RFTN1: variants seen among roughly 807,000 people sequenced by gnomAD.
The protein encoded by RFTN1 is raftlin, lipid raft linker 1.
In RFTN1, 26 loss-of-function variants were observed where a neutral mutation model predicts 46.5. The ratio of observed to expected loss-of-function variants is 0.56; its 90% CI spans 0.41 to 0.78. The LOEUF is 0.78. Ranked by LOEUF, RFTN1 falls within the 30% of genes least tolerant of loss-of-function variation. RFTN1 has a pLI of 0.00. For synonymous variants in RFTN1, 261 were observed against 284.2 expected (o/e 0.92, Z 0.82); for missense variants, 693 against 718.7 (o/e 0.96, Z 0.41).
At chr3:16,510,634 C>T (rs1350549701) in intron 1 of RFTN1, among the ~76,000 whole-genome samples, 3 of 152,218 alleles carry the variant, frequency 2.0e-5, no homozygotes, top group Non-Finnish European at 2.9e-5. Flanking sequence ...AAAGACAGGG[C>T]TGTAGTATCT....
chr3:16,323,592 T>A (rs532254626), intron 8 of RFTN1, 135 bp from the exon 9 acceptor site: 4 of 603,212 alleles, frequency 6.6e-6, no homozygotes, highest in Non-Finnish European at 1.1e-5. Context: ...AGACGCCTGC[T>A]CTACTCTTCC....
In RFTN1 at chr3:16,506,431, CT is replaced by C. The variant is rs2125011990; in HGVS notation, c.-9+7010del. ...GAGCTGAAAGAAGACATCAATTACT[CT>C]GGCCATGACTGACCATGACAGCAGG... On this transcript the variant is annotated intron_variant, in intron 1 of 9. Coordinates refer to ENST00000334133, the MANE Select transcript of RFTN1 (RefSeq NM_015150.2). This position sits in a 1 kb window ranked among gnomAD's most constrained non-coding sequence, Gnocchi z 4.8. Among the ~76,000 whole-genome samples, 1 of 152,280 alleles carries C rather than the reference CT, an allele frequency of 6.6e-6. No individual in the cohort carries two copies. Among genetic ancestry groups the C allele is most frequent in the South Asian group, 2.1e-4 (1 of 4,826 alleles).
intron 2 of RFTN1, chr3:16,482,675 A>G (rs2076386889): frequency 8.4e-7 from 1 of 1,188,600 alleles, no homozygotes; most frequent in Admixed American, 2.0e-5. Flanking sequence ...GGATTAATTG[A>G]CACTGAGCAC....
At chr3:16,333,726 G>GA (rs930636954) in intron 7 of RFTN1, among the ~76,000 whole-genome samples, 8 of 150,812 alleles carry the variant, frequency 5.3e-5, no homozygotes, top group Non-Finnish European at 7.4e-5. Context: ...TCATATTACA[G>GA]AAAAAAAAGG....
rs74655217 is a variant in RFTN1 at position 16,421,113 on chromosome 3, C to T, written c.333-11630G>A. Among the ~76,000 whole-genome samples, 27 of 152,172 alleles carry T rather than the reference C, an allele frequency of 1.8e-4. 1 individual carries two copies. In the East Asian group the frequency reaches 5.0e-3, roughly 28 times the overall value. On this transcript the variant is annotated intron_variant, in intron 3 of 9. Transcript: ENST00000334133. This position sits in a 1 kb window ranked among gnomAD's most constrained non-coding sequence, Gnocchi z 4.6. ...CTAACATCTTACATATGTTATAAAA[C>T]AAAACATACAAAACAGAAAATCGTA...
In RFTN1 at chr3:16,395,495, G is replaced by C. The variant is rs140967191; in HGVS notation, c.441+13880C>G. 3.9e-3 allele frequency among the ~76,000 whole-genome samples: 588 copies of C among 152,134 alleles called. 10 individuals carry two copies. The highest frequency in any genetic ancestry group is 0.014 in the African/African-American group (564 of 41,498). On this transcript the variant is annotated intron_variant, in intron 4 of 9. Coordinates refer to ENST00000334133, the MANE Select transcript of RFTN1 (RefSeq NM_015150.2). ...GGGTATCACTCTGTTGCCCAGGCTG[G>C]AGTGCAGTGGTGTGATCATAGCTCA...
At chr3:16,495,098 A>C (rs2076603375) in intron 1 of RFTN1, among the ~76,000 whole-genome samples, 1 of 152,208 alleles carries the variant, frequency 6.6e-6, no homozygotes, top group Admixed American at 6.5e-5. Flanking sequence ...GTCTGAAAGA[A>C]TGGATGAGAA....
intron 2 of RFTN1, among the ~76,000 whole-genome samples, chr3:16,462,048 C>G (rs2076015986): frequency 1.3e-5 from 2 of 152,192 alleles, no homozygotes; most frequent in Non-Finnish European, 2.9e-5. Context: ...AGAAATTCAG[C>G]CTGCTCACTC....
rs537164854 is a variant in RFTN1 at position 16,404,855 on chromosome 3, T to C, written c.441+4520A>G. ...CTCCTATGGAGGGTCTAATCCAGGCTCCATCATTTAGCAGTTCCAGCCCCT... is the reference window on the plus strand; with the variant it reads ...CTCCTATGGAGGGTCTAATCCAGGCCCCATCATTTAGCAGTTCCAGCCCCT... On this transcript the variant is annotated intron_variant, in intron 4 of 9. Coordinates refer to ENST00000334133, the MANE Select transcript of RFTN1 (RefSeq NM_015150.2). Among the ~76,000 whole-genome samples the C allele has an allele frequency of 6.6e-5, 10 of 152,182 alleles. No homozygotes were observed. In the South Asian group the frequency reaches 2.1e-3, roughly 32 times the overall value.
chr3:16,359,351 A>C (rs960839178), intron 6 of RFTN1, among the ~76,000 whole-genome samples: 4 of 152,132 alleles, frequency 2.6e-5, no homozygotes, highest in Non-Finnish European at 4.4e-5. Flanking sequence ...TTCCTCCCAA[A>C]ATTCGTATGT....
chr3:16,452,240 T>C lies in RFTN1; in HGVS notation c.146-18203A>G, dbSNP rs2075832358. Among the ~76,000 whole-genome samples, 2 of 152,054 alleles carry C rather than the reference T, an allele frequency of 1.3e-5. No homozygotes were observed. The highest frequency in any genetic ancestry group is 4.8e-5 in the African/African-American group (2 of 41,404). ...CTGTACAAACAGTGAATGAGAGTTA[T>C]TCATAAGAAGCCAAAGATTCTAAAG... On this transcript the variant is annotated intron_variant, in intron 2 of 9. Coordinates refer to ENST00000334133, the MANE Select transcript of RFTN1 (RefSeq NM_015150.2). This position sits in a 1 kb window ranked among gnomAD's most constrained non-coding sequence, Gnocchi z 6.3.
rs139203072 is a variant in RFTN1, at chr3:16,509,427, A to G, written c.-9+4015T>C. On this transcript the variant is annotated intron_variant, in intron 1 of 9. Transcript: ENST00000334133. The surrounding 1 kb of genome is among the most constrained non-coding windows in gnomAD (Gnocchi z 4.9). ...GGGAAAGTTAACCTTGCAAGCTTCA[A>G]TTTCCTCAGGGCTGAAGTGAAGATA... 6.6e-6 allele frequency among the ~76,000 whole-genome samples: 1 copy of G among 152,286 alleles called. No individual in the cohort carries two copies. Among genetic ancestry groups the G allele is most frequent in the African/African-American group, 2.4e-5 (1 of 41,552 alleles).
At chr3:16,404,267 A>T (rs1401694842) in intron 4 of RFTN1, among the ~76,000 whole-genome samples, 2 of 12,760 alleles carry the variant, frequency 1.6e-4, no homozygotes, top group African/African-American at 7.7e-4. Flanking sequence ...ATAATATATA[A>T]TATATATAAT....
At chr3:16,486,332 C>A (rs1483946152) in intron 2 of RFTN1, among the ~76,000 whole-genome samples, 3 of 152,122 alleles carry the variant, frequency 2.0e-5, no homozygotes, top group African/African-American at 7.2e-5. Flanking sequence ...ATGTCACCTG[C>A]ACCCCCTCCA....
rs966153305 is a variant in RFTN1, at chr3:16,407,825, T to C, written c.441+1550A>G. 1.3e-5 allele frequency among the ~76,000 whole-genome samples: 2 copies of C among 152,106 alleles called. No individual in the cohort carries two copies. Among genetic ancestry groups the C allele is most frequent in the Non-Finnish European group, 2.9e-5 (2 of 68,032 alleles). On this transcript the variant is annotated intron_variant, in intron 4 of 9. Transcript: ENST00000334133. The surrounding 1 kb of genome is among the most constrained non-coding windows in gnomAD (Gnocchi z 4.0). ...ATTTCTTAAATAATAATCTGAATTC[T>C]ACCAGAGTAGAAAGAGCCTCCCTCA...
In RFTN1 at chr3:16,327,739, T is replaced by C. The variant is rs1415635185; in HGVS notation, c.1147-863A>G. On this transcript the variant is annotated intron_variant, in intron 7 of 9. Coordinates refer to ENST00000334133, the MANE Select transcript of RFTN1 (RefSeq NM_015150.2). The surrounding 1 kb of genome is among the most constrained non-coding windows in gnomAD (Gnocchi z 4.2). ...TGGCACCACTGCACTCCAGCCTGGG[T>C]GACAGAGCGGGATTCCCATCTCAAA... Among the ~76,000 whole-genome samples, 4 of 150,258 alleles carry C rather than the reference T, an allele frequency of 2.7e-5. No homozygotes were observed. In the South Asian group the frequency reaches 6.4e-4, roughly 24 times the overall value.
rs185342339 is a variant in RFTN1 at position 16,436,124 on chromosome 3, T to C, written c.146-2087A>G. ...ATGGTAACTTATATTTATCTTATTA[T>C]GTAATTTGTATTTTTTCTTATTAAA... On this transcript the variant is annotated intron_variant, in intron 2 of 9. Transcript: ENST00000334133. 5.3e-3 allele frequency among the ~76,000 whole-genome samples: 798 copies of C among 151,936 alleles called. 3 individuals carry two copies. The highest frequency in any genetic ancestry group is 0.024 in the Middle Eastern group (7 of 294).
Position 16,337,313 on chromosome 3 carries a change from T to A in RFTN1, c.1147-10437A>T, listed in dbSNP as rs1387101192. On this transcript the variant is annotated intron_variant, in intron 7 of 9. Transcript: ENST00000334133. This position sits in a 1 kb window ranked among gnomAD's most constrained non-coding sequence, Gnocchi z 5.0. Reference sequence around the variant, plus strand: ...AAATCACCCAGCTGACCTGTTTGGGTTATGATTTTAACTCACTAAGCTTTG... The same window carrying A: ...AAATCACCCAGCTGACCTGTTTGGGATATGATTTTAACTCACTAAGCTTTG... 6.6e-6 allele frequency: 1 copy of A among 152,182 alleles called. No homozygotes were observed. The highest frequency in any genetic ancestry group is 1.9e-4 in the East Asian group (1 of 5,196). 9.4% of individuals were successfully genotyped at this position (152,182 alleles called of 1,614,324 possible). A position where few individuals can be genotyped will look rare whatever the true frequency, so the allele number is the denominator to read the frequency against.
At chr3:16,494,535 T>C (rs1306406992) in intron 1 of RFTN1, among the ~76,000 whole-genome samples, 1 of 152,216 alleles carries the variant, frequency 6.6e-6, no homozygotes, top group Non-Finnish European at 1.5e-5. Flanking sequence ...GAAAACTGAC[T>C]GAACACTAAT....
Sources: allele counts gnomAD v4.1 joint callset (sites outside exome capture counted in the v4.1 genomes callset), GRCh38; gene constraint gnomAD v4.1.1; non-coding constraint Gnocchi (gnomAD v3.1); transcripts MANE v1.5; gene names NCBI Gene and HGNC (gene_info 2026-07-23, HGNC 2026-07-21).